The following SAMD12 variants were observed in gnomAD, a reference collection of about 807,000 sequenced individuals.
SAMD12 encodes sterile alpha motif domain-containing protein 12.
Under a neutral mutation model 15.0 loss-of-function variants are expected in SAMD12, and 9 were observed. That is an observed-to-expected ratio of 0.60 (90% confidence interval 0.36 to 1.05). The LOEUF is 1.05. SAMD12 is among the 50% of genes least tolerant of loss of function. SAMD12 has a pLI of 0.01. For missense variants in SAMD12, 230 were observed against 234.2 expected (o/e 0.98, Z 0.12); for synonymous variants, 86 against 90.1 (o/e 0.96, Z 0.25).
chr8:118,332,132 C>G (rs892045632), intron 4 of SAMD12, among the ~76,000 whole-genome samples: 1 of 152,108 alleles, frequency 6.6e-6, no homozygotes, highest in Non-Finnish European at 1.5e-5. Flanking sequence ...CTTAAAAAGT[C>G]AAATGTAAAC....
intron 4 of SAMD12, among the ~76,000 whole-genome samples, chr8:118,359,947 T>C (rs1016777610): frequency 6.6e-5 from 10 of 152,174 alleles, no homozygotes; most frequent in African/African-American, 2.4e-4. Flanking sequence ...AAGGGTCCTA[T>C]ATATAGCATA....
rs565929543 is a variant in SAMD12 at position 118,507,297 on chromosome 8, C to A, written c.193-67336G>T. ...ACAGCCTCCTCTGCGTTAGAGTGATCTCTCCCTCCTCTGAACTTTACCATG... is the reference window on the plus strand; with the variant it reads ...ACAGCCTCCTCTGCGTTAGAGTGATATCTCCCTCCTCTGAACTTTACCATG... On this transcript the variant is annotated intron_variant, in intron 2 of 3. Coordinates refer to ENST00000314727, the MANE Select transcript of SAMD12 (RefSeq NM_207506.3). Among the ~76,000 whole-genome samples the A allele has an allele frequency of 3.7e-4, 56 of 152,190 alleles. No individual in the cohort carries two copies. In the South Asian group the frequency reaches 9.3e-3, roughly 25 times the overall value.
intron 2 of SAMD12, among the ~76,000 whole-genome samples, chr8:118,485,771 C>A (rs950407410): frequency 6.6e-6 from 1 of 152,106 alleles, no homozygotes; most frequent in Non-Finnish European, 1.5e-5. Flanking sequence ...AAAAAGCTAA[C>A]AAAATCATTA....
At chr8:118,148,933 T>C in the SAMD12 span, among the ~76,000 whole-genome samples, 732 of 152,348 alleles carry the variant, frequency 4.8e-3, 3 homozygotes, top group Non-Finnish European at 7.0e-3. Context: ...CATTCACCAG[T>C]TGATGGACAT....
At chr8:118,293,478 A>G (rs555925573) in intron 4 of SAMD12, among the ~76,000 whole-genome samples, 1 of 152,376 alleles carries the variant, frequency 6.6e-6, no homozygotes, top group South Asian at 2.1e-4. Context: ...AAGACAATAT[A>G]TAACATTGAA....
At chr8:118,158,865 G>A in the SAMD12 span, among the ~76,000 whole-genome samples, 1 of 152,204 alleles carries the variant, frequency 6.6e-6, no homozygotes, top group South Asian at 2.1e-4. Context: ...CAGACATTGA[G>A]ACAACCTGCC....
At chr8:118,163,901 AACAAAAC>A in the SAMD12 span, among the ~76,000 whole-genome samples, 5 of 148,340 alleles carry the variant, frequency 3.4e-5, no homozygotes, top group Non-Finnish European at 7.5e-5. Context: ...AACAAAACAA[AACAAAAC>A]AAAACAAAAA....
At chr8:118,218,316 T>C (rs960801620) in intron 4 of SAMD12, among the ~76,000 whole-genome samples, 1 of 152,140 alleles carries the variant, frequency 6.6e-6, no homozygotes, top group African/African-American at 2.4e-5. Flanking sequence ...TTTTGATATA[T>C]ATATAATTGT....
At chr8:118,425,628 AT>A (rs1305882615) in intron 3 of SAMD12, among the ~76,000 whole-genome samples, 2 of 152,246 alleles carry the variant, frequency 1.3e-5, no homozygotes, top group Non-Finnish European at 2.9e-5. Context: ...AAAGCTCAGC[AT>A]TCACAATGTA....
chr8:118,360,656 G>A (rs552612249), intron 4 of SAMD12, among the ~76,000 whole-genome samples: 134 of 152,306 alleles, frequency 8.8e-4, no homozygotes, highest in Non-Finnish European at 1.5e-3. Context: ...GGGTACCCAC[G>A]GGGATTTTGC....
chr8:118,437,288 C>A (rs1426098405), intron 3 of SAMD12, among the ~76,000 whole-genome samples: 3 of 152,222 alleles, frequency 2.0e-5, no homozygotes, highest in South Asian at 4.1e-4. Flanking sequence ...GAGTTGTCTT[C>A]TGAGGCTTCA....
At chr8:118,517,239 A>G (rs1321543909) in intron 2 of SAMD12, among the ~76,000 whole-genome samples, 1 of 152,190 alleles carries the variant, frequency 6.6e-6, no homozygotes, top group Non-Finnish European at 1.5e-5. Context: ...CTGAATAAAG[A>G]TAAACTGAAA....
chr8:118,484,526 A>G (rs1452056614), intron 2 of SAMD12, among the ~76,000 whole-genome samples: 1 of 152,188 alleles, frequency 6.6e-6, no homozygotes. Flanking sequence ...TTTCATAGGC[A>G]TATTCTGTAT....
At chr8:118,577,424 C>T (rs967780706) in intron 2 of SAMD12, among the ~76,000 whole-genome samples, 2 of 152,100 alleles carry the variant, frequency 1.3e-5, no homozygotes, top group African/African-American at 4.8e-5. Flanking sequence ...ACAATCCTCC[C>T]CCAATCCACA....
chr8:118,571,584 G>A (rs1827012258), intron 2 of SAMD12, among the ~76,000 whole-genome samples: 1 of 152,202 alleles, frequency 6.6e-6, no homozygotes, highest in African/African-American at 2.4e-5. Flanking sequence ...CCCATGCTGT[G>A]TGCAGCTTAG....
intron 2 of SAMD12, 114 bp from the exon 3 acceptor site, chr8:118,440,075 A>G (rs1211769241): frequency 1.2e-5 from 12 of 1,029,768 alleles, no homozygotes; most frequent in Non-Finnish European, 1.4e-5. Flanking sequence ...GAAGATAAAT[A>G]TCTAGTTCTT....
intron 2 of SAMD12, among the ~76,000 whole-genome samples, chr8:118,507,996 T>TC (rs1179810244): frequency 6.8e-6 from 1 of 146,324 alleles, no homozygotes; most frequent in East Asian, 2.0e-4. Context: ...ATCTCCTTTT[T>TC]TTTTTTTTTT....
intron 2 of SAMD12, among the ~76,000 whole-genome samples, chr8:118,483,649 T>C (rs1312728662): frequency 6.6e-6 from 1 of 152,196 alleles, no homozygotes; most frequent in African/African-American, 2.4e-5. Flanking sequence ...CTACTAATAC[T>C]TTTATATAAT....
intron 4 of SAMD12, among the ~76,000 whole-genome samples, chr8:118,229,281 AAAAAT>A (rs1264314221): frequency 6.6e-6 from 1 of 152,028 alleles, no homozygotes; most frequent in African/African-American, 2.4e-5. Flanking sequence ...TAACTTATGT[AAAAAT>A]AAAATAATAA....
Sources: gnomAD v4.1 joint callset for allele counts (sites outside exome capture counted in the v4.1 genomes callset) on GRCh38, gnomAD v4.1.1 for gene constraint, MANE v1.5 for transcripts, NCBI Gene and HGNC (gene_info 2026-07-23, HGNC 2026-07-21) for gene names.